ATP10D: variants seen among roughly 807,000 people sequenced by gnomAD.
The protein encoded by ATP10D is ATPase phospholipid transporting 10D (putative).
ATP10D carries 89 observed loss-of-function variants against 144.8 expected under a neutral mutation model. The ratio of observed to expected loss-of-function variants is 0.61; its 90% confidence interval spans 0.52 to 0.73. The LOEUF (loss-of-function observed/expected upper bound fraction) is 0.73, where lower values mean the gene tolerates loss of function less well. Among genes scored for constraint, ATP10D ranks in the 30% least tolerant of loss-of-function variants. ATP10D has a pLI of 0.00. For synonymous variants in ATP10D, 571 were observed against 615.1 expected, an observed-to-expected ratio of 0.93 and a Z score of 1.06; for missense variants, 1,603 against 1,714.8, an observed-to-expected ratio of 0.93 and a Z score of 1.15.
intron 1 of ATP10D, among the ~76,000 whole-genome samples, chr4:47,507,443 G>A (rs1717014642): frequency 6.6e-6 from 1 of 152,136 alleles, no homozygotes; most frequent in Admixed American, 6.5e-5. Context: ...ATGCCCTCTT[G>A]AAAGAGTCTT....
At chr4:47,487,426 T>C (rs550759617) in intron 1 of ATP10D, among the ~76,000 whole-genome samples, 6 of 152,276 alleles carry the variant, frequency 3.9e-5, no homozygotes, top group African/African-American at 1.4e-4. Context: ...ATTACATGTT[T>C]TCTTTATTGT....
chr4:47,489,387 T>G (rs995826958), intron 1 of ATP10D, among the ~76,000 whole-genome samples: 1 of 146,784 alleles, frequency 6.8e-6, no homozygotes, highest in African/African-American at 2.6e-5. Flanking sequence ...TATCCTAGTT[T>G]TGAAAAAAAA....
chr4:47,563,689 C>T lies in ATP10D; in HGVS notation c.2777C>T (p.Thr926Ile). 7 of 1,613,988 alleles carry T rather than the reference C, an allele frequency of 4.3e-6. No individual in the cohort carries two copies. The highest frequency in any genetic ancestry group is 4.2e-6 in the Non-Finnish European group (5 of 1,179,966). The change falls in exon 15 of 23, where the codon ACA becomes ATA. Residue 926 changes from threonine (T) to isoleucine (I), a missense_variant. Coordinates refer to ENST00000273859, the MANE Select transcript of ATP10D (RefSeq NM_020453.4). ...IWMLTGDKQE[T>I]AVNIAYACKL... ...ATGCTGACAGGGGACAAGCAGGAGA[C>T]AGCTGTCAACATAGCTTATGCATGC...
chr4:47,528,477 G>A (rs1245598940), intron 5 of ATP10D, among the ~76,000 whole-genome samples: 1 of 57,094 alleles, frequency 1.8e-5, no homozygotes, highest in Non-Finnish European at 3.6e-5. Flanking sequence ...GTGTGTGTGT[G>A]TGTGTGTGTG....
chr4:47,546,352 C>A (rs552975384), intron 9 of ATP10D, among the ~76,000 whole-genome samples: 2 of 151,920 alleles, frequency 1.3e-5, no homozygotes, highest in South Asian at 4.2e-4. Flanking sequence ...ATGCTTTGTC[C>A]ACAGTAGGAG....
At chr4:47,490,391 A>T (rs1352011520) in intron 1 of ATP10D, among the ~76,000 whole-genome samples, 1 of 152,222 alleles carries the variant, frequency 6.6e-6, no homozygotes, top group African/African-American at 2.4e-5. Flanking sequence ...TAAGCCAAGG[A>T]CTAAGAAAAA....
chr4:47,535,752 T>C (rs2109423583), intron 6 of ATP10D, 137 bp downstream of exon 6: 3 of 1,318,730 alleles, frequency 2.3e-6, no homozygotes, highest in East Asian at 2.5e-5. Context: ...TCTCTGTTTT[T>C]CTAAATGGAT....
In ATP10D at chr4:47,559,882, C is replaced by T. The variant is rs1380053088; in HGVS notation, c.2541+853C>T. Among the ~76,000 whole-genome samples, 5 of 152,266 alleles carry T rather than the reference C, an allele frequency of 3.3e-5. No homozygotes were observed. In the South Asian group the frequency reaches 1.0e-3, roughly 32 times the overall value. On this transcript the variant is annotated intron_variant, in intron 13 of 22. Coordinates refer to ENST00000273859, the MANE Select transcript of ATP10D (RefSeq NM_020453.4). ...GGATCTGGTGGTGCATGCCTGTAATCCCAGCTACTCAGGAGGCTGAGACAG... is the reference window on the plus strand; with the variant it reads ...GGATCTGGTGGTGCATGCCTGTAATTCCAGCTACTCAGGAGGCTGAGACAG...
intron 15 of ATP10D, among the ~76,000 whole-genome samples, chr4:47,568,266 A>C (rs933049550): frequency 2.0e-5 from 3 of 152,250 alleles, no homozygotes; most frequent in African/African-American, 7.2e-5. Flanking sequence ...GTGTAGCTCC[A>C]GCTCTTAGAA....
At chr4:47,557,594 C>T in intron 11 of ATP10D, 70 bp from the exon 12 acceptor site, 1 of 1,410,130 alleles carries the variant, frequency 7.1e-7, no homozygotes, top group Non-Finnish European at 9.4e-7. Flanking sequence ...AATTTATTTC[C>T]AGTTTGCCTT....
intron 10 of ATP10D, among the ~76,000 whole-genome samples, chr4:47,551,003 A>G (rs968887639): frequency 2.6e-5 from 4 of 152,256 alleles, no homozygotes; most frequent in South Asian, 4.1e-4. Flanking sequence ...GCCGGCTCCA[A>G]TGCCTGGGTT....
intron 21 of ATP10D, among the ~76,000 whole-genome samples, 160 bp downstream of exon 21, chr4:47,582,224 T>G (rs184256998): frequency 7.9e-4 from 120 of 152,264 alleles, no homozygotes; most frequent in African/African-American, 2.8e-3. Context: ...TGAATGCCAT[T>G]ATGCTGAGGT....
intron 18 of ATP10D, among the ~76,000 whole-genome samples, chr4:47,573,883 C>T (rs1720094934): frequency 1.9e-5 from 2 of 108,070 alleles, no homozygotes; most frequent in South Asian, 5.5e-4. Context: ...TCAGTAGGAA[C>T]ATTTTTTTTT....
rs1269469785 is a variant in ATP10D, at chr4:47,587,036, G to A, written c.3771G>A (p.Leu1257=). The A allele has an allele frequency of 1.9e-6, 3 of 1,613,850 alleles. No homozygotes were observed. The highest frequency in any genetic ancestry group is 1.7e-5 in the Admixed American group (1 of 60,004). The change falls in exon 22 of 23, where the codon CTG becomes CTA. Residue 1257 remains leucine (L), a synonymous_variant. Coordinates refer to ENST00000273859, the MANE Select transcript of ATP10D (RefSeq NM_020453.4). ...TCTTACAGACTTGGATTCACTTGCT[G>A]GTCATCATTGGTAGCATCTTGTCTT... ...ESKSLTWIHL[L]VIIGSILSYF... is the part of the protein sequence containing the mutation.
chr4:47,491,778 C>A (rs1051714964), intron 1 of ATP10D, among the ~76,000 whole-genome samples: 7 of 152,168 alleles, frequency 4.6e-5, no homozygotes, highest in African/African-American at 1.7e-4. Flanking sequence ...ACCAGGCTCA[C>A]TTATAATACC....
chr4:47,546,845 G>T lies in ATP10D; in HGVS notation c.1618G>T (p.Ala540Ser), dbSNP rs770991094. 10 of 1,612,384 alleles carry T rather than the reference G, an allele frequency of 6.2e-6. No individual in the cohort carries two copies. The Admixed American group carries it at 1.3e-4, about 21-fold the overall frequency. ...TGAAGTGCCTCATTCCAGACAGGCT[G>T]CTTTCAGTAGCCCCATTGTAAGTAT... ...ASEVPHSRQAAFSSPIETDVV... is the reference protein window; with the variant it reads ...ASEVPHSRQASFSSPIETDVV... Residue 540 changes from alanine to serine, a missense_variant, in exon 10 of 23, where the codon GCT becomes TCT. Physicochemically the swap from Ala to Ser is moderately conservative, Grantham distance 99 (BLOSUM62 1). Transcript: ENST00000273859.
intron 4 of ATP10D, among the ~76,000 whole-genome samples, chr4:47,523,498 T>C (rs905456552): frequency 1.3e-5 from 2 of 152,242 alleles, no homozygotes; most frequent in Non-Finnish European, 2.9e-5. Context: ...AACTTAGACT[T>C]TGTATCTTAT....
intron 1 of ATP10D, chr4:47,491,408 A>AG: frequency 1.4e-6 from 1 of 722,154 alleles, no homozygotes; most frequent in Non-Finnish European, 2.5e-6. Flanking sequence ...GTTTTCTAAA[A>AG]GGCCTAGAGA....
chr4:47,577,881 G>A (rs1207189734), intron 19 of ATP10D, among the ~76,000 whole-genome samples: 1 of 152,210 alleles, frequency 6.6e-6, no homozygotes, highest in East Asian at 1.9e-4. Context: ...ACATGTGGTT[G>A]ATGTCAGAGA....
Sources: allele counts gnomAD v4.1 joint callset (sites outside exome capture counted in the v4.1 genomes callset), GRCh38; gene constraint gnomAD v4.1.1; transcripts MANE v1.5; gene names NCBI Gene and HGNC (gene_info 2026-07-23, HGNC 2026-07-21).